PARD3: variants seen among roughly 807,000 people sequenced by gnomAD.
PARD3 encodes the protein partitioning defective 3 homolog.
PARD3 carries 75 observed loss-of-function variants against 155.4 expected under a neutral mutation model. The ratio of observed to expected loss-of-function variants is 0.48; its 90% CI spans 0.40 to 0.58. PARD3 has a LOEUF of 0.58. Among genes scored for constraint, PARD3 ranks in the 20% least tolerant of loss-of-function variants. The pLI, the probability that PARD3 is intolerant of heterozygous loss-of-function variation, is 0.00. For synonymous variants in PARD3, 576 were observed against 610.5 expected (o/e 0.94, Z 0.83); for missense variants, 1,642 against 1,721.7 (o/e 0.95, Z 0.82).
intron 2 of PARD3, among the ~76,000 whole-genome samples, chr10:34,560,948 C>A (rs961360218): frequency 6.6e-5 from 10 of 152,136 alleles, no homozygotes; most frequent in Non-Finnish European, 1.2e-4. Context: ...TCCCTCTGGG[C>A]ATGTGCGCAG....
rs957563161 is a variant in PARD3 at position 34,401,884 on chromosome 10, C to A, written c.748G>T (p.Val250Phe). Residue 250 changes from valine (V) to phenylalanine (F), a missense_variant, in exon 6 of 25, where the codon GTT becomes TTT. Val to Phe is a conservative substitution (Grantham distance 50). Transcript: ENST00000374788. Reference sequence around the variant, plus strand: ...GTGTCAGCATGTCCAACAGGTTCAACACGACTGTTATCCTCTTCTGTCCCA... The same window carrying A: ...GTGTCAGCATGTCCAACAGGTTCAAAACGACTGTTATCCTCTTCTGTCCCA... ...EDGTEEDNSR[V>F]EPVGHADTGL... 59 of 1,613,562 alleles carry A rather than the reference C, an allele frequency of 3.7e-5. No homozygotes were observed. Among genetic ancestry groups the A allele is most frequent in the Non-Finnish European group, 4.5e-5 (53 of 1,179,644 alleles).
chr10:34,651,648 C>T (rs182069217), intron 2 of PARD3, among the ~76,000 whole-genome samples: 1 of 152,064 alleles, frequency 6.6e-6, no homozygotes, highest in Non-Finnish European at 1.5e-5. Flanking sequence ...TTTTTGTAAG[C>T]GACGTTAATA....
At chr10:34,707,563 G>A (rs1043219998) in intron 1 of PARD3, among the ~76,000 whole-genome samples, 1 of 152,204 alleles carries the variant, frequency 6.6e-6, no homozygotes, top group Non-Finnish European at 1.5e-5. Context: ...GAAGAGATCA[G>A]AGAGGAAGCT....
At chr10:34,757,583 C>T (rs1316678117) in intron 1 of PARD3, among the ~76,000 whole-genome samples, 12 of 151,890 alleles carry the variant, frequency 7.9e-5, no homozygotes, top group Admixed American at 7.2e-4. Context: ...CGGTGGCTCA[C>T]GCCTATAAAC....
chr10:34,386,717 G>C (rs1032173024), intron 7 of PARD3, among the ~76,000 whole-genome samples: 3 of 151,712 alleles, frequency 2.0e-5, no homozygotes, highest in African/African-American at 7.3e-5. Flanking sequence ...AGCTACTTGG[G>C]AGGCTGAGGC....
At chr10:34,293,301 T>C (rs1451648444) in intron 20 of PARD3, among the ~76,000 whole-genome samples, 1 of 152,136 alleles carries the variant, frequency 6.6e-6, no homozygotes, top group Non-Finnish European at 1.5e-5. Context: ...TGCGGCAAAA[T>C]ATTCCCTCTT....
intron 2 of PARD3, among the ~76,000 whole-genome samples, chr10:34,689,980 T>C (rs1439509606): frequency 6.6e-6 from 1 of 152,176 alleles, no homozygotes; most frequent in Non-Finnish European, 1.5e-5. Context: ...AGTCTTGCTA[T>C]GTCGCCCAGG....
At chr10:34,493,711 G>A (rs116643152) in intron 3 of PARD3, among the ~76,000 whole-genome samples, 2,966 of 149,156 alleles carry the variant, frequency 0.02, 97 homozygotes, top group African/African-American at 0.07. Flanking sequence ...TAACCTGGGC[G>A]ACAAAAGCGA....
chr10:34,616,281 C>T (rs896377496), intron 2 of PARD3, among the ~76,000 whole-genome samples: 24 of 152,012 alleles, frequency 1.6e-4, no homozygotes, highest in African/African-American at 4.6e-4. Flanking sequence ...CGTGCTACTG[C>T]ACTCCAGCCT....
Position 34,644,576 on chromosome 10 carries a change from G to T in PARD3, c.222+51742C>A, listed in dbSNP as rs375478871. Among the ~76,000 whole-genome samples, 13 of 152,300 alleles carry T rather than the reference G, an allele frequency of 8.5e-5. 1 individual carries two copies. The highest frequency in any genetic ancestry group is 3.1e-4 in the African/African-American group (13 of 41,564). ...GAAATCCCAAAATTCTTAACTGGTGGCTTATTTCAAGAACTAATCTAGGGA... is the reference window on the plus strand; with the variant it reads ...GAAATCCCAAAATTCTTAACTGGTGTCTTATTTCAAGAACTAATCTAGGGA... On this transcript the variant is annotated intron_variant, in intron 2 of 24. Transcript: ENST00000374788.
chr10:34,296,210 G>C (rs1956903155), intron 20 of PARD3, among the ~76,000 whole-genome samples: 1 of 152,100 alleles, frequency 6.6e-6, no homozygotes, highest in Admixed American at 6.6e-5. Flanking sequence ...GTTATTGATG[G>C]CCCAACTATT....
chr10:34,606,638 CAAAAAAAAAAAAA>C (rs398013195), intron 2 of PARD3, among the ~76,000 whole-genome samples: 6 of 79,658 alleles, frequency 7.5e-5, no homozygotes, highest in Non-Finnish European at 1.2e-4. Flanking sequence ...CCCGTGTCTT[CAAAAAAAAAAAAA>C]AAAAAAAAAA....
At chr10:34,453,008 A>G (rs1469367015) in intron 4 of PARD3, among the ~76,000 whole-genome samples, 1 of 152,240 alleles carries the variant, frequency 6.6e-6, no homozygotes, top group Non-Finnish European at 1.5e-5. Context: ...CTAACTGGAC[A>G]CAGGCTCTGG....
chr10:34,152,582 C>A (rs1361002328), intron 22 of PARD3, among the ~76,000 whole-genome samples: 1 of 152,174 alleles, frequency 6.6e-6, no homozygotes, highest in Admixed American at 6.6e-5. Flanking sequence ...GAACTGTATT[C>A]CAAAATGCTA....
chr10:34,747,350 T>C (rs924720967), intron 1 of PARD3, among the ~76,000 whole-genome samples: 2 of 152,180 alleles, frequency 1.3e-5, no homozygotes, highest in African/African-American at 4.8e-5. Flanking sequence ...TCGTTTTCCA[T>C]GTGGAAATTC....
chr10:34,440,864 C>A (rs1401450539), intron 5 of PARD3, among the ~76,000 whole-genome samples: 4 of 151,912 alleles, frequency 2.6e-5, no homozygotes, highest in Non-Finnish European at 1.5e-5. Flanking sequence ...CAGAAGCTCT[C>A]ATGAAGATAC....
At chr10:34,408,316 G>A (rs1036768135) in intron 5 of PARD3, among the ~76,000 whole-genome samples, 2 of 151,814 alleles carry the variant, frequency 1.3e-5, no homozygotes, top group Non-Finnish European at 2.9e-5. Context: ...ATTTTAATGA[G>A]TTCAAATATA....
intron 22 of PARD3, among the ~76,000 whole-genome samples, chr10:34,254,969 A>G (rs1441025): frequency 0.13 from 19,427 of 152,150 alleles, 3,184 homozygotes; most frequent in African/African-American, 0.38. Context: ...CAAAGGAAAG[A>G]AGGAAATAGA....
chr10:34,773,357 C>G (rs971096268), intron 1 of PARD3, among the ~76,000 whole-genome samples: 1 of 152,092 alleles, frequency 6.6e-6, no homozygotes, highest in Non-Finnish European at 1.5e-5. Context: ...AATGAATAAC[C>G]GTGGCTGACT....
Sources: allele counts gnomAD v4.1 joint callset (sites outside exome capture counted in the v4.1 genomes callset), GRCh38; gene constraint gnomAD v4.1.1; transcripts MANE v1.5; gene names NCBI Gene and HGNC (gene_info 2026-07-23, HGNC 2026-07-21).